VEGFC: variants seen among roughly 807,000 people sequenced by gnomAD.
VEGFC encodes the protein vascular endothelial growth factor C, also known as FLT4 ligand DHM.
VEGFC carries 12 observed loss-of-function variants against 46.1 expected under a neutral mutation model. The ratio of observed to expected loss-of-function variants is 0.26; its 90% CI spans 0.17 to 0.42. VEGFC has a LOEUF of 0.42. VEGFC is among the 10% of genes least tolerant of loss of function. The pLI, the probability that VEGFC is intolerant of heterozygous loss-of-function variation, is 1.00. For missense variants in VEGFC, 488 were observed against 529.4 expected (o/e 0.92, Z 0.77); for synonymous variants, 232 against 195.5 (o/e 1.19, Z -1.56).
At chr4:176,754,774 C>G (rs532659696) in intron 1 of VEGFC, among the ~76,000 whole-genome samples, 1 of 152,126 alleles carries the variant, frequency 6.6e-6, no homozygotes, top group African/African-American at 2.4e-5. Context: ...CTGCTTACCA[C>G]AGGTAGATTT....
chr4:176,784,513 C>G (rs754698447), intron 1 of VEGFC, among the ~76,000 whole-genome samples: 1 of 151,198 alleles, frequency 6.6e-6, no homozygotes, highest in Non-Finnish European at 1.5e-5. Context: ...TTTGGGAGGC[C>G]GAGGCGGGCA....
chr4:176,702,610 T>G (rs1180984768), intron 4 of VEGFC, among the ~76,000 whole-genome samples: 2 of 152,108 alleles, frequency 1.3e-5, no homozygotes, highest in Non-Finnish European at 2.9e-5. Flanking sequence ...CTTTCACAGC[T>G]TAAGACTGAA....
At chr4:176,754,440 GAGA>G (rs1735399061) in intron 1 of VEGFC, among the ~76,000 whole-genome samples, 1 of 151,980 alleles carries the variant, frequency 6.6e-6, no homozygotes, top group Non-Finnish European at 1.5e-5. Context: ...AGGGGCTCTG[GAGA>G]AGAATACACT....
At chr4:176,713,420 T>C (rs1356386889) in intron 3 of VEGFC, among the ~76,000 whole-genome samples, 1 of 152,182 alleles carries the variant, frequency 6.6e-6, no homozygotes, top group Non-Finnish European at 1.5e-5. Flanking sequence ...TATTAAGAAC[T>C]AGCACTACAG....
At chr4:176,764,590 G>GA (rs1177168258) in intron 1 of VEGFC, among the ~76,000 whole-genome samples, 2 of 151,944 alleles carry the variant, frequency 1.3e-5, no homozygotes, top group Non-Finnish European at 2.9e-5. Context: ...ACCCACCAAA[G>GA]AAAAAAAATC....
intron 1 of VEGFC, among the ~76,000 whole-genome samples, chr4:176,786,244 G>T (rs1736000840): frequency 1.3e-5 from 2 of 152,164 alleles, no homozygotes; most frequent in African/African-American, 2.4e-5. Context: ...GGCTCCTGCT[G>T]CTTTCAACTC....
chr4:176,689,336 G>A (rs1734106032), intron 4 of VEGFC: 2 of 152,080 alleles, frequency 1.3e-5, no homozygotes, highest in African/African-American at 4.8e-5. Flanking sequence ...ATAATAGCCT[G>A]GTAACTCTTA....
At chr4:176,726,286 C>T (rs1052854006) in intron 3 of VEGFC, among the ~76,000 whole-genome samples, 1 of 152,092 alleles carries the variant, frequency 6.6e-6, no homozygotes, top group Non-Finnish European at 1.5e-5. Context: ...CTTGAGAACA[C>T]ATGTTGGAAC....
intron 2 of VEGFC, 126 bp downstream of exon 2, chr4:176,729,407 T>C: frequency 1.4e-6 from 1 of 734,140 alleles, no homozygotes; most frequent in Non-Finnish European, 2.1e-6. Flanking sequence ...AATTCTTTAT[T>C]TTCTATTTGC....
intron 1 of VEGFC, among the ~76,000 whole-genome samples, chr4:176,765,789 G>A (rs942627302): frequency 7.2e-5 from 11 of 152,062 alleles, no homozygotes; most frequent in African/African-American, 2.4e-4. Flanking sequence ...TCCTGACCTC[G>A]TGATCCCCCT....
intron 6 of VEGFC, among the ~76,000 whole-genome samples, chr4:176,685,822 AG>A (rs1226189967): frequency 1.3e-5 from 2 of 152,176 alleles, no homozygotes; most frequent in Non-Finnish European, 2.9e-5. Flanking sequence ...GTATAAGGGA[AG>A]AAAAATATAA....
intron 4 of VEGFC, among the ~76,000 whole-genome samples, chr4:176,704,792 G>A (rs1160346825): frequency 2.6e-5 from 4 of 152,108 alleles, no homozygotes; most frequent in Non-Finnish European, 5.9e-5. Flanking sequence ...ATCCTTGGCT[G>A]GGCATATGTG....
chr4:176,730,996 G>C lies in VEGFC; in HGVS notation c.148-1250C>G, dbSNP rs568876679. Reference sequence around the variant, plus strand: ...TAATGAAGTTGGCTGTGAATGTTGAGTTTACCCTTTCACTACCATTTATGG... The same window carrying C: ...TAATGAAGTTGGCTGTGAATGTTGACTTTACCCTTTCACTACCATTTATGG... On this transcript the variant is annotated intron_variant, in intron 1 of 6. Coordinates refer to ENST00000618562, the MANE Select transcript of VEGFC (RefSeq NM_005429.5). Among the ~76,000 whole-genome samples, 25 of 152,116 alleles carry C rather than the reference G, an allele frequency of 1.6e-4. No individual in the cohort carries two copies. The South Asian group carries it at 4.4e-3, about 26-fold the overall frequency.
At chr4:176,740,493 T>C (rs1224330243) in intron 1 of VEGFC, among the ~76,000 whole-genome samples, 1 of 82,730 alleles carries the variant, frequency 1.2e-5, no homozygotes, top group Non-Finnish European at 2.9e-5. Flanking sequence ...ATAGAGAGTA[T>C]ATATAACTAT....
rs150550643 is a variant in VEGFC at position 176,777,339 on chromosome 4, T to C, written c.147+14826A>G. Among the ~76,000 whole-genome samples, 968 of 152,210 alleles carry C rather than the reference T, an allele frequency of 6.4e-3. 6 individuals carry two copies. Among genetic ancestry groups the C allele is most frequent in the African/African-American group, 0.022 (925 of 41,564 alleles). ...CTCAAACAAACAAACAAAAAACTAC[T>C]GCATGGGCTTTGAAATAGCTATGTA... On this transcript the variant is annotated intron_variant, in intron 1 of 6. Transcript: ENST00000618562.
At chr4:176,789,337 T>C (rs1294080960) in intron 1 of VEGFC, among the ~76,000 whole-genome samples, 1 of 152,344 alleles carries the variant, frequency 6.6e-6, no homozygotes, top group Non-Finnish European at 1.5e-5. Flanking sequence ...ATTAACTGCT[T>C]TCTATGAAGC....
At chr4:176,786,695 A>C (rs1330222829) in intron 1 of VEGFC, among the ~76,000 whole-genome samples, 1 of 152,220 alleles carries the variant, frequency 6.6e-6, no homozygotes, top group African/African-American at 2.4e-5. Context: ...TCACACACTG[A>C]ACTGTAATTT....
At chr4:176,690,859 G>T (rs1041569238) in intron 4 of VEGFC, among the ~76,000 whole-genome samples, 1 of 152,152 alleles carries the variant, frequency 6.6e-6, no homozygotes, top group Admixed American at 6.5e-5. Context: ...CGTGTTGGTA[G>T]AAAGGCATCT....
At chr4:176,714,224 C>T (rs1432614073) in intron 3 of VEGFC, among the ~76,000 whole-genome samples, 1 of 152,214 alleles carries the variant, frequency 6.6e-6, no homozygotes, top group Non-Finnish European at 1.5e-5. Context: ...TGGCTTAGCA[C>T]CATCCTTCGG....
Sources: gnomAD v4.1 joint callset for allele counts (sites outside exome capture counted in the v4.1 genomes callset) on GRCh38, gnomAD v4.1.1 for gene constraint, MANE v1.5 for transcripts, NCBI Gene and HGNC (gene_info 2026-07-23, HGNC 2026-07-21) for gene names.